The following ORC4 variants were observed in gnomAD, a reference collection of about 807,000 sequenced individuals.
ORC4 encodes origin recognition complex subunit 4.
Under a neutral mutation model 63.9 loss-of-function variants are expected in ORC4, and 55 were observed. The ratio of observed to expected loss-of-function variants is 0.86; its 90% confidence interval spans 0.69 to 1.08. The LOEUF (loss-of-function observed/expected upper bound fraction) is 1.08. Among genes scored for constraint, ORC4 ranks in the 50% least tolerant of loss-of-function variants. The pLI is 0.00. For missense variants in ORC4, 511 were observed against 504.4 expected (o/e 1.01, Z -0.13); for synonymous variants, 150 against 168.5 (o/e 0.89, Z 0.85).
intron 6 of ORC4, among the ~76,000 whole-genome samples, chr2:147,957,750 T>C (rs1271944411): frequency 6.6e-6 from 1 of 152,150 alleles, no homozygotes; most frequent in Non-Finnish European, 1.5e-5. Flanking sequence ...TTCTTTCTTC[T>C]TCAAAATAAT....
chr2:147,988,602 AC>A (rs1691373970), intron 1 of ORC4, among the ~76,000 whole-genome samples: 2 of 151,892 alleles, frequency 1.3e-5, no homozygotes, highest in Non-Finnish European at 2.9e-5. Context: ...CAAGTGATCC[AC>A]CCACCTTGGC....
chr2:148,008,239 G>GCA, intron 1 of ORC4, among the ~76,000 whole-genome samples: 1 of 152,294 alleles, frequency 6.6e-6, no homozygotes, highest in South Asian at 2.1e-4. Flanking sequence ...GAAAGTAAGT[G>GCA]CACAGATAAA....
Position 147,955,391 on chromosome 2 carries a change from C to G in ORC4, c.392G>C (p.Ser131Thr). Residue 131 changes from serine to threonine, a missense_variant, in exon 7 of 14, where the codon AGC becomes ACC. Transcript: ENST00000392857. Reference sequence around the variant, plus strand: ...AAGAAATGAAAGGTTTTCAGCAAAGCTTCCCTGAACAACAAAATGAGATAA... The same window carrying G: ...AAGAAATGAAAGGTTTTCAGCAAAGGTTCCCTGAACAACAAAATGAGATAA... ...ENVVGDKVFG[S>T]FAENLSFLLE... 6.2e-7 allele frequency: 1 copy of G among 1,601,758 alleles called. No homozygotes were observed. Among genetic ancestry groups the G allele is most frequent in the South Asian group, 1.1e-5 (1 of 90,338 alleles).
intron 8 of ORC4, 109 bp downstream of exon 8, chr2:147,952,264 C>T: frequency 2.4e-6 from 2 of 821,316 alleles, no homozygotes; most frequent in East Asian, 2.7e-5. Context: ...ACTGCTGAAA[C>T]AAAATTTTTA....
rs527783139 is a variant in ORC4, at chr2:147,935,130, A to G, written c.*380T>C. The G allele has an allele frequency of 5.2e-6, 1 of 191,160 alleles. No homozygotes were observed. The highest frequency in any genetic ancestry group is 1.4e-4 in the East Asian group (1 of 7,378). 11.8% of individuals were successfully genotyped at this position (191,160 alleles called of 1,614,324 possible). A position where few individuals can be genotyped will look rare whatever the true frequency, so the allele number is the denominator to read the frequency against. ...CCTGCTGTACCAAAGGTTACTTATT[A>G]TACTTCAGTGCTTACCATTGTTTTT... On this transcript the variant is annotated 3_prime_UTR_variant, in exon 14 of 14. Coordinates refer to ENST00000392857, the MANE Select transcript of ORC4 (RefSeq NM_181741.4).
intron 1 of ORC4, among the ~76,000 whole-genome samples, chr2:148,006,991 C>A (rs1178803304): frequency 1.3e-5 from 2 of 152,206 alleles, no homozygotes; most frequent in African/African-American, 4.8e-5. Flanking sequence ...GGAATTCTCC[C>A]AATTATCTTC....
chr2:147,988,990 T>C (rs893681057), intron 1 of ORC4, among the ~76,000 whole-genome samples: 1 of 152,192 alleles, frequency 6.6e-6, no homozygotes, highest in African/African-American at 2.4e-5. Context: ...CTTTTTATTC[T>C]ATTCACAAAT....
chr2:147,938,328 C>G lies in ORC4; in HGVS notation c.1024G>C (p.Glu342Gln). Residue 342 changes from glutamate (E) to glutamine (Q), a missense_variant, in exon 12 of 14, where the codon GAG (glutamate) becomes CAG (glutamine). Transcript: ENST00000392857. Reference protein sequence around the residue: ...MKHLNDIYEEEPFNFQMVYNE... With the variant: ...MKHLNDIYEEQPFNFQMVYNE... Reference sequence around the variant, plus strand: ...TAGACCATTTGAAAATTAAATGGCTCTTCCTCATAGATGTCATTTAAATGT... The same window carrying G: ...TAGACCATTTGAAAATTAAATGGCTGTTCCTCATAGATGTCATTTAAATGT... 1 of 1,608,076 alleles carries G rather than the reference C, an allele frequency of 6.2e-7. No individual in the cohort carries two copies. The highest frequency in any genetic ancestry group is 8.5e-7 in the Non-Finnish European group (1 of 1,175,642).
chr2:147,973,493 C>T lies in ORC4; in HGVS notation c.89G>A (p.Arg30His), dbSNP rs772451669. The change falls in exon 3 of 14, where the codon CGT becomes CAT. Residue 30 changes from arginine to histidine, a missense_variant. Transcript: ENST00000392857. ...AAATAGGTTACTATGTGGACTCTGA[C>T]GACAAAATCTTTCACGTAAAATTCT... The part of the protein sequence containing the change: ...VQRILRERFC[R>H]QSPHSNLFGV... 71 of 1,603,906 alleles carry T rather than the reference C, an allele frequency of 4.4e-5. No individual in the cohort carries two copies. The highest frequency in any genetic ancestry group is 8.0e-5 in the African/African-American group (6 of 74,712).
At chr2:147,987,198 A>AT (rs1172106121) in intron 1 of ORC4, among the ~76,000 whole-genome samples, 1 of 151,020 alleles carries the variant, frequency 6.6e-6, no homozygotes, top group African/African-American at 2.4e-5. Context: ...AAAAAAAAAA[A>AT]ATCTCTTGGG....
At chr2:147,963,378 G>A (rs1191242066) in intron 4 of ORC4, among the ~76,000 whole-genome samples, 2 of 152,128 alleles carry the variant, frequency 1.3e-5, no homozygotes, top group African/African-American at 4.8e-5. Context: ...CCAAGCAGCA[G>A]TGTCACAGGC....
intron 2 of ORC4, among the ~76,000 whole-genome samples, 193 bp downstream of exon 2, chr2:147,975,709 T>A (rs781578281): frequency 1.7e-4 from 26 of 152,098 alleles, no homozygotes; most frequent in Non-Finnish European, 3.1e-4. Context: ...TTTGGAAAAT[T>A]TTGCTTCCAG....
chr2:147,949,285 G>A (rs1194777487), intron 8 of ORC4, among the ~76,000 whole-genome samples: 1 of 151,944 alleles, frequency 6.6e-6, no homozygotes, highest in Admixed American at 6.6e-5. Flanking sequence ...AAGGAATAAA[G>A]GGCTGATATA....
chr2:147,951,097 G>A lies in ORC4; in HGVS notation c.588+1276C>T, dbSNP rs377179259. 1.7e-3 allele frequency among the ~76,000 whole-genome samples: 257 copies of A among 152,086 alleles called. 9 individuals are homozygous for A. The South Asian group carries it at 0.052, about 31-fold the overall frequency. ...CATGTATCATAAGCTCTAGAGCACA[G>A]GAAAGGAGGGGCAAATGACAGTCAC... On this transcript the variant is annotated intron_variant, in intron 8 of 13. Coordinates refer to ENST00000392857, the MANE Select transcript of ORC4 (RefSeq NM_181741.4).
At chr2:148,014,385 T>C (rs1453804350) in intron 1 of ORC4, among the ~76,000 whole-genome samples, 3 of 152,144 alleles carry the variant, frequency 2.0e-5, no homozygotes, top group East Asian at 3.8e-4. Context: ...ATCCCAACTC[T>C]TGAACATGAA....
At chr2:147,942,482 A>G (rs1688419903) in intron 10 of ORC4, among the ~76,000 whole-genome samples, 1 of 152,140 alleles carries the variant, frequency 6.6e-6, no homozygotes, top group Non-Finnish European at 1.5e-5. Context: ...AAATATATCA[A>G]CAGGTTAAAG....
In ORC4 at chr2:147,952,388, A is replaced by G. The variant is rs1181079852; in HGVS notation, c.573T>C (p.Gly191=). Residue 191 remains glycine (G), a synonymous_variant, in exon 8 of 14, where the codon GGT becomes GGC. Transcript: ENST00000392857. ...QSAQTPIAVI[G]LTCRLDILEL... is the part of the protein sequence containing the mutation. Reference sequence around the variant, plus strand: ...AAAGACTTACCAATCTACATGTAAGACCAATAACTGCTATTGGGGTCTGTG... The same window carrying G: ...AAAGACTTACCAATCTACATGTAAGGCCAATAACTGCTATTGGGGTCTGTG... The G allele has an allele frequency of 6.2e-7, 1 of 1,605,440 alleles. No individual in the cohort carries two copies. Among genetic ancestry groups the G allele is most frequent in the Non-Finnish European group, 8.5e-7 (1 of 1,172,418 alleles).
chr2:147,939,614 G>A (rs780062377), intron 10 of ORC4, among the ~76,000 whole-genome samples: 8 of 151,832 alleles, frequency 5.3e-5, no homozygotes, highest in Non-Finnish European at 1.0e-4. Flanking sequence ...GCAGATCTAC[G>A]CCTTACTTGT....
chr2:148,000,167 AT>A (rs1377130787), intron 1 of ORC4, among the ~76,000 whole-genome samples: 5 of 152,082 alleles, frequency 3.3e-5, no homozygotes, highest in South Asian at 2.1e-4. Context: ...AAGAAAAAAC[AT>A]GAGGAATTTT....
Sources: gnomAD v4.1 joint callset for allele counts (sites outside exome capture counted in the v4.1 genomes callset) on GRCh38, gnomAD v4.1.1 for gene constraint, MANE v1.5 for transcripts, NCBI Gene and HGNC (gene_info 2026-07-23, HGNC 2026-07-21) for gene names.